The following ESCO2 variants were observed in gnomAD, a reference collection of about 807,000 sequenced individuals.
ESCO2 encodes establishment of sister chromatid cohesion N-acetyltransferase 2.
In ESCO2, 51 loss-of-function variants were observed where a neutral mutation model predicts 61.7. The observed-to-expected ratio is 0.83, with a 90% CI of 0.66 to 1.04. The LOEUF (loss-of-function observed/expected upper bound fraction) is 1.04. ESCO2 is among the 50% of genes least tolerant of loss of function. The pLI is 0.00. For synonymous variants in ESCO2, 230 were observed against 238.2 expected (o/e 0.97, Z 0.32); for missense variants, 692 against 686.2 (o/e 1.01, Z -0.09).
chr8:27,794,278 G>A (rs13250379), intron 9 of ESCO2, among the ~76,000 whole-genome samples: 39,849 of 152,126 alleles, frequency 0.26, 6,208 homozygotes, highest in Middle Eastern at 0.36. Context: ...GCATATGGTA[G>A]TTGCATTTTT....
chr8:27,789,280 G>C (rs905361303), intron 7 of ESCO2, among the ~76,000 whole-genome samples: 31 of 152,134 alleles, frequency 2.0e-4, no homozygotes, highest in African/African-American at 7.5e-4. Context: ...TCTGAGAGGA[G>C]AGGTCCCACC....
At chr8:27,784,628 A>G (rs967918877) in intron 5 of ESCO2, among the ~76,000 whole-genome samples, 92 of 152,284 alleles carry the variant, frequency 6.0e-4, no homozygotes, top group African/African-American at 2.1e-3. Flanking sequence ...CAGCAGCTTA[A>G]TGTTATCATA....
intron 10 of ESCO2, among the ~76,000 whole-genome samples, chr8:27,802,320 G>A (rs1457115612): frequency 1.3e-5 from 2 of 151,060 alleles, no homozygotes; most frequent in South Asian, 2.1e-4. Context: ...TATATAGGCT[G>A]GACGGTCGCT....
intron 3 of ESCO2, chr8:27,777,695 T>A (rs1051901368): frequency 2.0e-5 from 3 of 152,400 alleles, no homozygotes; most frequent in Non-Finnish European, 4.4e-5. Context: ...CTCCTGTTTA[T>A]ATCCTTCATC....
At position 27,803,549 on chromosome 8, in the gene ESCO2, T is replaced by C. The variant is rs111607440; in HGVS notation, c.*111T>C. The stretch of plus-strand genomic sequence containing the variant: ...TAAAAAATACCGAGACTCACACTCA[T>C]ACACACACACACACACACGCACACA... On this transcript the variant is annotated 3_prime_UTR_variant, in exon 11 of 11. Transcript: ENST00000305188. 109 of 1,323,930 alleles carry C rather than the reference T, an allele frequency of 8.2e-5. No homozygotes were observed. Among genetic ancestry groups the C allele is most frequent in the East Asian group, 5.1e-4 (17 of 33,642 alleles). 82.0% of individuals were successfully genotyped at this position (1,323,930 alleles called of 1,614,324 possible).
chr8:27,776,012 C>A (rs1370519314), intron 2 of ESCO2, among the ~76,000 whole-genome samples: 1 of 152,194 alleles, frequency 6.6e-6, no homozygotes, highest in Admixed American at 6.5e-5. Flanking sequence ...CAGTTCATTA[C>A]AGACAGTTAT....
At position 27,791,841 on chromosome 8, in the gene ESCO2, ATCT is replaced by A. The variant is rs35880563; in HGVS notation, c.1264-114_1264-112del. The A allele has an allele frequency of 0.12, 104,404 of 857,958 alleles. 7,937 individuals carry two copies. Among genetic ancestry groups the A allele is most frequent in the East Asian group, 0.3 (11,414 of 37,998 alleles). The allele number at this position is 857,958 out of a possible 1,614,324, so 53.1% of individuals were successfully genotyped here. On this transcript the variant is annotated intron_variant, in intron 7 of 10. Transcript: ENST00000305188. ...CCCACATTACTTTTAGTTGGATTTCATCTTCTTCTTTTTATATCTATTATTGTT... is the reference window on the plus strand; with the variant it reads ...CCCACATTACTTTTAGTTGGATTTCATCTTCTTTTTATATCTATTATTGTT...
intron 5 of ESCO2, among the ~76,000 whole-genome samples, chr8:27,784,512 T>C (rs538397931): frequency 6.6e-6 from 1 of 152,316 alleles, no homozygotes; most frequent in Admixed American, 6.5e-5. Flanking sequence ...CCCTGGGTGA[T>C]AGTATAGTAG....
At chr8:27,810,932 A>G, downstream of ESCO2, 6 of 1,362,556 alleles carry the variant, frequency 4.4e-6, no homozygotes, top group Non-Finnish European at 6.3e-6. Flanking sequence ...AGAGATTGGG[A>G]TTTATGTTAG....
chr8:27,799,420 AT>A lies in ESCO2; in HGVS notation c.1498-115del, dbSNP rs977037264. 6.8e-4 allele frequency: 701 copies of A among 1,033,994 alleles called. 1 individual carries two copies. Among genetic ancestry groups the A allele is most frequent in the South Asian group, 1.3e-3 (96 of 75,650 alleles). 64.1% of individuals were successfully genotyped at this position (1,033,994 alleles called of 1,614,324 possible). ...GATAAGAATTTAAGAAATAGAAAATATTTTTTAACATACTTGGAGATATAAG... is the reference window on the plus strand; with the variant it reads ...GATAAGAATTTAAGAAATAGAAAATATTTTTAACATACTTGGAGATATAAG... On this transcript the variant is annotated intron_variant, in intron 9 of 10. Transcript: ENST00000305188.
intron 4 of ESCO2, among the ~76,000 whole-genome samples, chr8:27,782,039 T>G (rs1185920119): frequency 6.6e-6 from 1 of 152,188 alleles, no homozygotes; most frequent in Non-Finnish European, 1.5e-5. Context: ...TTCTGTCTTA[T>G]TTCTTTGTTT....
At chr8:27,808,825 A>T (rs1231132351), downstream of ESCO2, among the ~76,000 whole-genome samples, 2 of 152,198 alleles carry the variant, frequency 1.3e-5, no homozygotes, top group Non-Finnish European at 2.9e-5. Flanking sequence ...AGTTGGTAGC[A>T]GATTGTCTGC....
At chr8:27,806,524 CA>C (rs1211281547), downstream of ESCO2, among the ~76,000 whole-genome samples, 2 of 151,666 alleles carry the variant, frequency 1.3e-5, no homozygotes, top group Non-Finnish European at 2.9e-5. Context: ...CTACCAACAA[CA>C]AAAAAGCCTG....
chr8:27,789,673 C>T (rs1440824571), intron 7 of ESCO2, among the ~76,000 whole-genome samples: 3 of 150,316 alleles, frequency 2.0e-5, no homozygotes, highest in Admixed American at 6.7e-5. Flanking sequence ...CCCAGCTACT[C>T]GGGAGGCTGA....
downstream of ESCO2, among the ~76,000 whole-genome samples, chr8:27,806,421 A>G (rs139810368): frequency 7.9e-3 from 1,202 of 152,270 alleles, 14 homozygotes; most frequent in African/African-American, 0.027. Context: ...TGTTTGCTAT[A>G]GTATTAGTAC....
In ESCO2 at chr8:27,805,118, T is replaced by G. The variant is rs1805533490; in HGVS notation, c.*1680T>G. 1 of 135,664 alleles carries G rather than the reference T, an allele frequency of 7.4e-6. No homozygotes were observed. Among genetic ancestry groups the G allele is most frequent in the Non-Finnish European group, 1.5e-5 (1 of 65,092 alleles). 8.4% of individuals were successfully genotyped at this position (135,664 alleles called of 1,614,324 possible). On this transcript the variant is annotated 3_prime_UTR_variant, in exon 11 of 11. Coordinates refer to ENST00000305188, the MANE Select transcript of ESCO2 (RefSeq NM_001017420.3). ...TAACAAGGTGAAACCCCGTCTCTACTAAAAATACAAAAAATTAGCCGGGCG... is the reference window on the plus strand; with the variant it reads ...TAACAAGGTGAAACCCCGTCTCTACGAAAAATACAAAAAATTAGCCGGGCG...
At chr8:27,815,659 G>A (rs1001699735), downstream of ESCO2, among the ~76,000 whole-genome samples, 8 of 152,132 alleles carry the variant, frequency 5.3e-5, no homozygotes, top group African/African-American at 1.7e-4. Context: ...TTCCTACAAG[G>A]ATCCATCAGG....
intron 9 of ESCO2, among the ~76,000 whole-genome samples, chr8:27,795,234 C>T (rs1805268211): frequency 6.6e-6 from 1 of 152,068 alleles, no homozygotes; most frequent in South Asian, 2.1e-4. Flanking sequence ...TGGATTTTCA[C>T]CTCCTTGGTT....
chr8:27,777,996 A>G (rs562733934), intron 3 of ESCO2: 5 of 152,354 alleles, frequency 3.3e-5, no homozygotes, highest in African/African-American at 7.2e-5. Flanking sequence ...AGTGGCAAAG[A>G]TAATAAATTG....
Sources: allele counts gnomAD v4.1 joint callset (sites outside exome capture counted in the v4.1 genomes callset), GRCh38; gene constraint gnomAD v4.1.1; transcripts MANE v1.5; gene names NCBI Gene and HGNC (gene_info 2026-07-23, HGNC 2026-07-21).